GRM8: variants seen among roughly 807,000 people sequenced by gnomAD.
The protein encoded by GRM8 is metabotropic glutamate receptor 8.
A neutral mutation model predicts 87.2 loss-of-function variants in GRM8; 47 were observed. The ratio of observed to expected loss-of-function variants is 0.54; its 90% CI spans 0.43 to 0.69. The LOEUF is 0.69. Among genes scored for constraint, GRM8 ranks in the 30% least tolerant of loss-of-function variants. The pLI is 0.00. For missense variants in GRM8, 1,019 were observed against 1,139.2 expected, an observed-to-expected ratio of 0.89 and a Z score of 1.52; for synonymous variants, 396 against 404.5, an observed-to-expected ratio of 0.98 and a Z score of 0.25.
In GRM8 at chr7:126,922,374, G is replaced by A. The variant is rs190747041; in HGVS notation, c.728-17691C>T. Among the ~76,000 whole-genome samples the A allele has an allele frequency of 1.9e-3, 290 of 152,182 alleles. 1 individual carries two copies. Among genetic ancestry groups the A allele is most frequent in the Non-Finnish European group, 3.4e-3 (231 of 67,992 alleles). ...ATCCATGTGCAATGTGTGTACTGTGGGGAGTTAAGTCATCGTCTTCCGTAG... is the reference window on the plus strand; with the variant it reads ...ATCCATGTGCAATGTGTGTACTGTGAGGAGTTAAGTCATCGTCTTCCGTAG... On this transcript the variant is annotated intron_variant, in intron 3 of 10. Transcript: ENST00000339582.
intron 2 of GRM8, among the ~76,000 whole-genome samples, chr7:127,206,020 C>A (rs1795890983): frequency 6.6e-6 from 1 of 152,202 alleles, no homozygotes; most frequent in Non-Finnish European, 1.5e-5. Flanking sequence ...GGAAGCCCTG[C>A]CAGGTATAGA....
At chr7:127,122,308 CT>C (rs1213126964) in intron 2 of GRM8, among the ~76,000 whole-genome samples, 1 of 152,068 alleles carries the variant, frequency 6.6e-6, no homozygotes, top group South Asian at 2.1e-4. Context: ...ATATACTTTT[CT>C]TTTTTTATGA....
chr7:126,939,079 A>C (rs894530795), intron 3 of GRM8, among the ~76,000 whole-genome samples: 4 of 152,070 alleles, frequency 2.6e-5, no homozygotes, highest in African/African-American at 9.7e-5. Flanking sequence ...GATTGTAAAA[A>C]TATCTCTATC....
intron 9 of GRM8, among the ~76,000 whole-genome samples, chr7:126,449,004 T>C (rs960175672): frequency 6.6e-6 from 1 of 151,802 alleles, no homozygotes; most frequent in Non-Finnish European, 1.5e-5. Flanking sequence ...TTTACCTATA[T>C]AACAAACCTG....
intron 6 of GRM8, among the ~76,000 whole-genome samples, chr7:126,873,059 A>G (rs79843168): frequency 0.012 from 1,764 of 152,240 alleles, 16 homozygotes; most frequent in Non-Finnish European, 0.019. Flanking sequence ...TTTAAAACAC[A>G]CACCTGCGCA....
At chr7:127,070,477 AG>A (rs1292028186) in intron 3 of GRM8, among the ~76,000 whole-genome samples, 1 of 152,198 alleles carries the variant, frequency 6.6e-6, no homozygotes, top group East Asian at 1.9e-4. Context: ...AGAAATTGGG[AG>A]TTCTTTCTGA....
intron 3 of GRM8, among the ~76,000 whole-genome samples, chr7:127,011,150 C>A (rs1338482616): frequency 6.6e-6 from 1 of 151,986 alleles, no homozygotes; most frequent in Non-Finnish European, 1.5e-5. Context: ...TTCTATGAAA[C>A]TCAATAACAA....
chr7:127,014,987 GGAAGAAGAAGAAGAAAGAAGAA>G lies in GRM8; in HGVS notation c.727+91487_727+91508del, dbSNP rs1420148122. On this transcript the variant is annotated intron_variant, in intron 3 of 10. Coordinates refer to ENST00000339582, the MANE Select transcript of GRM8 (RefSeq NM_000845.3). ...AAGAAGAGGAAGAAGAAGGAGAAGA[GGAAGAAGAAGAAGAAAGAAGAA>G]GAAGAAGAAGAAGAAGAAGAAGAAG... Among the ~76,000 whole-genome samples the G allele has an allele frequency of 7.7e-4, 76 of 98,558 alleles. 1 individual carries two copies. The highest frequency in any genetic ancestry group is 2.8e-3 in the African/African-American group (69 of 25,052). The allele number at this position is 98,558 out of a possible 152,430, so 64.7% of individuals were successfully genotyped here.
intron 6 of GRM8, among the ~76,000 whole-genome samples, chr7:126,803,629 G>A (rs74546866): frequency 0.017 from 2,582 of 152,186 alleles, 82 homozygotes; most frequent in African/African-American, 0.058. Context: ...GCACATTCTA[G>A]TTATTGTGAG....
At chr7:126,635,024 T>TA (rs569507699) in intron 7 of GRM8, among the ~76,000 whole-genome samples, 10 of 152,224 alleles carry the variant, frequency 6.6e-5, no homozygotes, top group African/African-American at 1.7e-4. Context: ...TCCCTCCTCT[T>TA]ACGGGGGTGA....
In GRM8 at chr7:127,041,903, C is replaced by A. The variant is rs556666286; in HGVS notation, c.727+64593G>T. On this transcript the variant is annotated intron_variant, in intron 3 of 10. Coordinates refer to ENST00000339582, the MANE Select transcript of GRM8 (RefSeq NM_000845.3). ...TGAGCCCTGTTTCATCCAGTCGAGT[C>A]GAGGGAGCTCTGATTGGTTGAGCTC... 7.2e-5 allele frequency among the ~76,000 whole-genome samples: 11 copies of A among 152,242 alleles called. No individual in the cohort carries two copies. In the South Asian group the frequency reaches 2.3e-3, roughly 32 times the overall value.
At chr7:126,605,297 C>T (rs1008051340) in intron 8 of GRM8, among the ~76,000 whole-genome samples, 1 of 152,148 alleles carries the variant, frequency 6.6e-6, no homozygotes, top group African/African-American at 2.4e-5. Context: ...CAAATCCACT[C>T]TCAGGTAGAC....
intron 3 of GRM8, among the ~76,000 whole-genome samples, chr7:126,982,202 ATGC>A (rs1811609528): frequency 6.6e-6 from 1 of 152,168 alleles, no homozygotes; most frequent in Non-Finnish European, 1.5e-5. Context: ...TAACCTTTTC[ATGC>A]TTTTCTGCCC....
At chr7:126,760,873 T>C (rs1817518608) in intron 7 of GRM8, among the ~76,000 whole-genome samples, 1 of 152,154 alleles carries the variant, frequency 6.6e-6, no homozygotes, top group African/African-American at 2.4e-5. Flanking sequence ...TTTTTCCATA[T>C]AATGAATTTC....
At chr7:126,746,441 G>A (rs1294878688) in intron 7 of GRM8, among the ~76,000 whole-genome samples, 4 of 151,440 alleles carry the variant, frequency 2.6e-5, no homozygotes, top group Non-Finnish European at 5.9e-5. Flanking sequence ...TTGCTTTATT[G>A]AGACCACCAT....
chr7:126,987,446 T>G lies in GRM8; in HGVS notation c.728-82763A>C, dbSNP rs538775498. On this transcript the variant is annotated intron_variant, in intron 3 of 10. Coordinates refer to ENST00000339582, the MANE Select transcript of GRM8 (RefSeq NM_000845.3). ...GACAAGAAGCATATCTTGTTCACAG[T>G]TTTTTTTTTTGTTTTTTGTTTGTTT... Among the ~76,000 whole-genome samples the G allele has an allele frequency of 1.9e-4, 9 of 47,160 alleles. No homozygotes were observed. The South Asian group carries it at 6.2e-3, about 32-fold the overall frequency. 30.9% of individuals were successfully genotyped at this position (47,160 alleles called of 152,430 possible).
chr7:126,705,705 T>A (rs1810433535), intron 7 of GRM8, among the ~76,000 whole-genome samples: 1 of 152,172 alleles, frequency 6.6e-6, no homozygotes, highest in Non-Finnish European at 1.5e-5. Context: ...TCATAGTCAT[T>A]AAGAGATGTA....
intron 3 of GRM8, among the ~76,000 whole-genome samples, chr7:126,985,244 G>A (rs563198627): frequency 6.6e-6 from 1 of 152,252 alleles, no homozygotes; most frequent in East Asian, 1.9e-4. Flanking sequence ...ATGCTCAATA[G>A]CTTGAATTAG....
chr7:126,486,946 A>T (rs895540559), intron 9 of GRM8, among the ~76,000 whole-genome samples: 1 of 152,078 alleles, frequency 6.6e-6, no homozygotes, highest in Non-Finnish European at 1.5e-5. Context: ...TCAAATGTTC[A>T]TATTTCCAAA....
Sources: allele counts gnomAD v4.1 joint callset (sites outside exome capture counted in the v4.1 genomes callset), GRCh38; gene constraint gnomAD v4.1.1; transcripts MANE v1.5; gene names NCBI Gene and HGNC (gene_info 2026-07-23, HGNC 2026-07-21).